Variants in TNC observed in about 807,000 individuals in gnomAD.
The protein encoded by TNC is tenascin C, also known as tenascin.
Under a neutral mutation model 202.4 loss-of-function variants are expected in TNC, and 109 were observed. That is an observed-to-expected ratio of 0.54 (90% CI 0.46 to 0.63). The LOEUF is 0.63. TNC is among the 30% of genes least tolerant of loss of function. The probability of loss-of-function intolerance (pLI) is 0.00; values close to 1 mark genes in which losing one functional copy is unlikely to be tolerated. For missense variants in TNC, 2,756 were observed against 2,833.3 expected (o/e 0.97, Z 0.62); for synonymous variants, 1,007 against 1,089.7 (o/e 0.92, Z 1.50).
At chr9:115,090,131 C>T (rs1385387822) in intron 2 of TNC, among the ~76,000 whole-genome samples, 1 of 152,134 alleles carries the variant, frequency 6.6e-6, no homozygotes, top group African/African-American at 2.4e-5. Flanking sequence ...GGAATCCCAT[C>T]CTCTTTCCAG....
At position 115,085,902 on chromosome 9, in the gene TNC, A is replaced by G. The variant is rs769260016; in HGVS notation, c.1829T>C (p.Ile610Thr). 1 of 1,612,662 alleles carries G rather than the reference A, an allele frequency of 6.2e-7. No individual in the cohort carries two copies. The highest frequency in any genetic ancestry group is 8.5e-7 in the Non-Finnish European group (1 of 1,178,846). ...TTCTCCGCTGTAGCCCTCGTTGCAG[A>G]TGCAGCGGCCCGAGACGCATTGTCC... ...NLGQCVSGRC[I>T]CNEGYSGEDC... Residue 610 changes from isoleucine to threonine, a missense_variant, in exon 3 of 28, where the codon ATC becomes ACC. By Grantham distance (89) the Ile-to-Thr change is moderately conservative. Around this residue, in one of 2 missense-constraint regions of TNC, gnomAD observed 2,559 missense variants for 2,546.0 expected, o/e 1.01. Coordinates refer to ENST00000350763, the MANE Select transcript of TNC (RefSeq NM_002160.4).
At chr9:115,049,960 A>G (rs891915226) in intron 15 of TNC, among the ~76,000 whole-genome samples, 1 of 152,202 alleles carries the variant, frequency 6.6e-6, no homozygotes, top group Non-Finnish European at 1.5e-5. Flanking sequence ...ATTTTGAAAC[A>G]CTTGGTGTTT....
chr9:115,087,339 G>T, intron 2 of TNC, 66 bp from the exon 3 acceptor site: 1 of 1,524,298 alleles, frequency 6.6e-7, no homozygotes, highest in Admixed American at 1.9e-5. Flanking sequence ...TATCTACCCA[G>T]GGCACCCAGA....
intron 20 of TNC, 70 bp from the exon 21 acceptor site, chr9:115,036,311 C>A: frequency 6.5e-7 from 1 of 1,541,730 alleles, no homozygotes; most frequent in Non-Finnish European, 8.9e-7. Flanking sequence ...CTTGGCAAAC[C>A]ACATACACAC....
At position 115,063,192 on chromosome 9, in the gene TNC, G is replaced by A; in HGVS notation, c.3761-3C>T. On this transcript the variant is annotated splice_region_variant and splice_polypyrimidine_tract_variant and intron_variant, in intron 12 of 27. Coordinates refer to ENST00000350763, the MANE Select transcript of TNC (RefSeq NM_002160.4). ...GTTTCCCATATCTGGAACCTCCTCT[G>A]CATAAGGACACAGAGTTGCTGAGTT... The A allele has an allele frequency of 1.2e-6, 2 of 1,613,288 alleles. No individual in the cohort carries two copies. Among genetic ancestry groups the A allele is most frequent in the South Asian group, 1.1e-5 (1 of 91,052 alleles).
At chr9:115,110,194 G>C (rs546615896) in intron 1 of TNC, among the ~76,000 whole-genome samples, 1 of 152,286 alleles carries the variant, frequency 6.6e-6, no homozygotes, top group East Asian at 1.9e-4. Context: ...CTAGGCACGA[G>C]GGAATGGCAT....
At chr9:115,088,681 A>G (rs2133582256) in intron 2 of TNC, among the ~76,000 whole-genome samples, 1 of 152,138 alleles carries the variant, frequency 6.6e-6, no homozygotes, top group East Asian at 1.9e-4. Context: ...CATTCTTGAC[A>G]GCAGGAAGAA....
intron 1 of TNC, among the ~76,000 whole-genome samples, chr9:115,102,474 G>A (rs1298850468): frequency 6.6e-6 from 1 of 152,134 alleles, no homozygotes; most frequent in Non-Finnish European, 1.5e-5. Context: ...AAGCCTTTTT[G>A]CCATCTCTGC....
chr9:115,036,977 G>T lies in TNC; in HGVS notation c.5513-736C>A, dbSNP rs545750372. On this transcript the variant is annotated intron_variant, in intron 20 of 27. Transcript: ENST00000350763. ...CCCCCTCTTCTGAACCAAGCCCCTTGTTTGCCCTGAATCTACAATCTCCAT... is the reference window on the plus strand; with the variant it reads ...CCCCCTCTTCTGAACCAAGCCCCTTTTTTGCCCTGAATCTACAATCTCCAT... 7.2e-5 allele frequency among the ~76,000 whole-genome samples: 11 copies of T among 152,256 alleles called. No individual in the cohort carries two copies. The South Asian group carries it at 1.7e-3, about 23-fold the overall frequency.
chr9:115,087,197 A>T lies in TNC; in HGVS notation c.534T>A (p.Pro178=). Residue 178 remains proline (P), a synonymous_variant, in exon 3 of 28, where the codon CCT becomes CCA. Transcript: ENST00000350763. ...CAGAGCAGTTGGGGCCTTTCCAGCC[A>T]GGTTCGCAGACACAGCCACATCCTT... The part of the protein sequence containing the change: ...STEGCGCVCE[P]GWKGPNCSEP... 1.2e-6 allele frequency: 2 copies of T among 1,614,232 alleles called. No homozygotes were observed. Among genetic ancestry groups the T allele is most frequent in the Non-Finnish European group, 8.5e-7 (1 of 1,180,054 alleles).
rs769524367 is a variant in TNC at position 115,042,225 on chromosome 9, T to C, written c.5242A>G (p.Thr1748Ala). ...ESFRITYVPI[T>A]GGTPSMVTVD... ...CCCTTTCCGAGTCTCCTACCTCCTGTAATGGGCACATAGGTAATCCGGAAG... is the reference window on the plus strand; with the variant it reads ...CCCTTTCCGAGTCTCCTACCTCCTGCAATGGGCACATAGGTAATCCGGAAG... Residue 1748 changes from threonine to alanine, a missense_variant, in exon 18 of 28, where the codon ACA (threonine) becomes GCA (alanine). By Grantham distance (58) the Thr-to-Ala change is moderately conservative. Coordinates refer to ENST00000350763, the MANE Select transcript of TNC (RefSeq NM_002160.4). 1 of 1,614,024 alleles carries C rather than the reference T, an allele frequency of 6.2e-7. No homozygotes were observed. The highest frequency in any genetic ancestry group is 8.5e-7 in the Non-Finnish European group (1 of 1,179,906).
intron 10 of TNC, among the ~76,000 whole-genome samples, chr9:115,069,617 TC>T (rs1833228717): frequency 3.1e-4 from 2 of 6,370 alleles, no homozygotes; most frequent in South Asian, 7.0e-3. Context: ...CCTCCCTCCC[TC>T]TCTCCCTCCC....
chr9:115,020,844 T>C lies in TNC; in HGVS notation c.*313A>G. 3.0e-6 allele frequency: 1 copy of C among 338,328 alleles called. No individual in the cohort carries two copies. Among genetic ancestry groups the C allele is most frequent in the Non-Finnish European group, 5.5e-6 (1 of 182,056 alleles). 21.0% of individuals were successfully genotyped at this position (338,328 alleles called of 1,614,324 possible). ...TAAAACAAACTACCCCTGTACATCC[T>C]ACCCCTCTCCCATTCCCAGAGCCAC... On this transcript the variant is annotated 3_prime_UTR_variant, in exon 28 of 28. Transcript: ENST00000350763.
chr9:115,043,389 C>A (rs1182536515), intron 17 of TNC, among the ~76,000 whole-genome samples: 1 of 152,112 alleles, frequency 6.6e-6, no homozygotes, highest in Non-Finnish European at 1.5e-5. Context: ...TTTTGCCCTG[C>A]CCATGGAAAG....
At position 115,031,635 on chromosome 9, in the gene TNC, G is replaced by A; in HGVS notation, c.5838C>T (p.Ser1946=). 6.2e-7 allele frequency: 1 copy of A among 1,612,568 alleles called. No homozygotes were observed. Among genetic ancestry groups the A allele is most frequent in the Non-Finnish European group, 8.5e-7 (1 of 1,179,294 alleles). The change falls in exon 23 of 28, where the codon AGC becomes AGT. Residue 1946 remains serine, a synonymous_variant. Coordinates refer to ENST00000350763, the MANE Select transcript of TNC (RefSeq NM_002160.4). The stretch of plus-strand genomic sequence containing the variant: ...TCTTGGCTGTGTAGTGGGTGGATGG[G>A]CTCAGGTCTGCCAGGCTGTAGGAGG... ...DTTSYSLADL[S]PSTHYTAKIQ...
chr9:115,113,583 C>T (rs1837239206), intron 1 of TNC, among the ~76,000 whole-genome samples: 1 of 152,114 alleles, frequency 6.6e-6, no homozygotes, highest in African/African-American at 2.4e-5. Flanking sequence ...GCAAAGCTAT[C>T]TATGTTCAGA....
At chr9:115,032,034 T>C (rs1325946332) in intron 22 of TNC, among the ~76,000 whole-genome samples, 2 of 152,192 alleles carry the variant, frequency 1.3e-5, no homozygotes, top group Non-Finnish European at 1.5e-5. Flanking sequence ...GAGAATGGGA[T>C]TGTAATGGTT....
chr9:115,073,617 A>G lies in TNC; in HGVS notation c.3200T>C (p.Val1067Ala), dbSNP rs1275004363. ...GGCAGACTCACCAGTGGATGCCTTCACACGTGCGGGCTTGCTCTTGTGTCT... is the reference window on the plus strand; with the variant it reads ...GGCAGACTCACCAGTGGATGCCTTCGCACGTGCGGGCTTGCTCTTGTGTCT... Reference protein sequence around the residue: ...KGRHKSKPARVKASTEQAPEL... With the variant: ...KGRHKSKPARAKASTEQAPEL... The change falls in exon 10 of 28, where the codon GTG becomes GCG. Residue 1067 changes from valine to alanine, a missense_variant. Val to Ala is a moderately conservative substitution (Grantham distance 64, BLOSUM62 0). Around this residue, in one of 2 missense-constraint regions of TNC, gnomAD observed 2,559 missense variants for 2,546.0 expected, o/e 1.01. Transcript: ENST00000350763. 1 of 1,613,728 alleles carries G rather than the reference A, an allele frequency of 6.2e-7. No individual in the cohort carries two copies.
Position 115,057,466 on chromosome 9 carries a change from T to A in TNC, c.4307-41A>T, listed in dbSNP as rs768027394. 4 of 1,535,628 alleles carry A rather than the reference T, an allele frequency of 2.6e-6. No individual in the cohort carries two copies. In the East Asian group the frequency reaches 9.0e-5, roughly 35 times the overall value. On this transcript the variant is annotated intron_variant, in intron 14 of 27. Transcript: ENST00000350763. ...GTAGGGGAGAAGAAAAAAATAAATT[T>A]GAGTTAATTATTTGGCTGTGTTTTA...
Sources: allele counts gnomAD v4.1 joint callset (sites outside exome capture counted in the v4.1 genomes callset), GRCh38; gene constraint gnomAD v4.1.1; regional missense constraint gnomAD v4.1.1; transcripts MANE v1.5; gene names NCBI Gene and HGNC (gene_info 2026-07-23, HGNC 2026-07-21).